SRBD1: variants seen among roughly 807,000 people sequenced by gnomAD.
The protein encoded by SRBD1 is S1 RNA-binding domain-containing protein 1.
Under a neutral mutation model 115.3 loss-of-function variants are expected in SRBD1, and 88 were observed. That is an observed-to-expected ratio of 0.76 (90% CI 0.64 to 0.91). The LOEUF is 0.91. Among genes scored for constraint, SRBD1 ranks in the 40% least tolerant of loss-of-function variants. The probability of loss-of-function intolerance (pLI) is 0.00; values close to 1 mark genes in which losing one functional copy is unlikely to be tolerated. For missense variants in SRBD1, 1,385 were observed against 1,177.4 expected (o/e 1.18, Z -2.58); for synonymous variants, 509 against 407.7 (o/e 1.25, Z -2.99).
chr2:45,604,503 A>G (rs1674204164), intron 2 of SRBD1, among the ~76,000 whole-genome samples: 1 of 152,080 alleles, frequency 6.6e-6, no homozygotes. Flanking sequence ...TTAGATCCAG[A>G]TCCTACTCAT....
chr2:45,465,694 A>T (rs1230646896), intron 16 of SRBD1, among the ~76,000 whole-genome samples: 1 of 152,202 alleles, frequency 6.6e-6, no homozygotes, highest in Non-Finnish European at 1.5e-5. Context: ...GTGAAAGGCT[A>T]CACTTTTTAA....
chr2:45,476,245 G>A (rs1322815055), intron 16 of SRBD1, among the ~76,000 whole-genome samples: 1 of 152,152 alleles, frequency 6.6e-6, no homozygotes, highest in Admixed American at 6.5e-5. Flanking sequence ...TATCAAATGA[G>A]GGGGGTAGGG....
intron 10 of SRBD1, among the ~76,000 whole-genome samples, chr2:45,557,199 G>T (rs1022442104): frequency 4.6e-5 from 7 of 152,162 alleles, no homozygotes; most frequent in African/African-American, 1.7e-4. Context: ...GCAGTGGCTG[G>T]ATCATAAAGG....
chr2:45,596,674 T>C (rs1378528230), intron 4 of SRBD1, among the ~76,000 whole-genome samples: 2 of 152,166 alleles, frequency 1.3e-5, no homozygotes, highest in South Asian at 2.1e-4. Context: ...TAAACAAATC[T>C]AAAGTGCCTA....
In SRBD1 at chr2:45,585,822, T is replaced by C. The variant is rs139765438; in HGVS notation, c.649-48A>G. On this transcript the variant is annotated intron_variant, in intron 4 of 20. Transcript: ENST00000263736. ...GATTTAAAATGCTGAAAATTAAACA[T>C]CTATATCATGTATAATTTAAAACAT... 3.9e-4 allele frequency: 556 copies of C among 1,424,276 alleles called. 4 individuals carry two copies. The African/African-American group carries it at 7.1e-3, about 18-fold the overall frequency. The allele number at this position is 1,424,276 out of a possible 1,614,324, so 88.2% of individuals were successfully genotyped here.
intron 14 of SRBD1, among the ~76,000 whole-genome samples, chr2:45,541,068 C>T (rs1263223428): frequency 1.3e-5 from 2 of 152,206 alleles, no homozygotes; most frequent in East Asian, 3.9e-4. Flanking sequence ...CAGATCTCAC[C>T]CTGCCAAGGG....
intron 14 of SRBD1, among the ~76,000 whole-genome samples, chr2:45,494,143 A>C (rs530651670): frequency 3.0e-4 from 45 of 152,290 alleles, no homozygotes; most frequent in African/African-American, 9.9e-4. Context: ...ATTGTAAAAT[A>C]TTTTTATCTC....
At chr2:45,431,962 T>G (rs1170203862) in intron 16 of SRBD1, among the ~76,000 whole-genome samples, 1 of 152,134 alleles carries the variant, frequency 6.6e-6, no homozygotes, top group Non-Finnish European at 1.5e-5. Context: ...GCTTACATTC[T>G]TCCCCAATTT....
intron 18 of SRBD1, among the ~76,000 whole-genome samples, chr2:45,415,381 T>C (rs536406354): frequency 2.0e-5 from 2 of 99,804 alleles, no homozygotes; most frequent in African/African-American, 9.7e-5. Flanking sequence ...TACACACATA[T>C]AGTGTGTATA....
intron 10 of SRBD1, among the ~76,000 whole-genome samples, chr2:45,559,479 A>C (rs767046114): frequency 1.2e-4 from 18 of 152,084 alleles, no homozygotes; most frequent in Admixed American, 1.1e-3. Context: ...TAATCTCAAC[A>C]TACTCGTAAT....
intron 16 of SRBD1, among the ~76,000 whole-genome samples, chr2:45,436,668 G>T (rs1239632955): frequency 2.6e-5 from 4 of 152,114 alleles, no homozygotes; most frequent in African/African-American, 9.7e-5. Context: ...ATCAGATCTT[G>T]TTAGAATTTA....
At chr2:45,475,751 T>C (rs999598083) in intron 16 of SRBD1, among the ~76,000 whole-genome samples, 3 of 152,212 alleles carry the variant, frequency 2.0e-5, no homozygotes, top group Non-Finnish European at 4.4e-5. Context: ...CAGGCTAGAG[T>C]GCAGTGGCAC....
At chr2:45,478,316 A>G (rs1166779230) in intron 15 of SRBD1, among the ~76,000 whole-genome samples, 1 of 152,188 alleles carries the variant, frequency 6.6e-6, no homozygotes, top group East Asian at 1.9e-4. Context: ...CAGATTCTCC[A>G]GTCGCTGATT....
chr2:45,434,212 A>G (rs1185620760), intron 16 of SRBD1, among the ~76,000 whole-genome samples: 1 of 152,224 alleles, frequency 6.6e-6, no homozygotes, highest in Non-Finnish European at 1.5e-5. Context: ...TGTTCTGCAC[A>G]AGACAAATGT....
intron 14 of SRBD1, among the ~76,000 whole-genome samples, chr2:45,535,304 CA>C (rs143952221): frequency 0.026 from 3,926 of 152,044 alleles, 174 homozygotes; most frequent in African/African-American, 0.089. Flanking sequence ...ATGTTTCTAC[CA>C]GTCTAATTTT....
At chr2:45,581,287 G>A (rs962970772) in intron 6 of SRBD1, among the ~76,000 whole-genome samples, 1 of 151,902 alleles carries the variant, frequency 6.6e-6, no homozygotes, top group Non-Finnish European at 1.5e-5. Context: ...ACTTCAAAAG[G>A]TGGTAACCTC....
intron 5 of SRBD1, among the ~76,000 whole-genome samples, chr2:45,583,444 G>T (rs1475463980): frequency 6.6e-6 from 1 of 152,098 alleles, no homozygotes; most frequent in Admixed American, 6.5e-5. Flanking sequence ...GAAAAATACA[G>T]AAAACTTTTC....
intron 1 of SRBD1, 97 bp from the exon 2 acceptor site, chr2:45,605,538 G>T (rs1674241699): frequency 8.8e-7 from 1 of 1,134,582 alleles, no homozygotes; most frequent in South Asian, 1.3e-5. Context: ...CATTTCATAG[G>T]AAAAAAACAA....
chr2:45,453,107 A>G lies in SRBD1; in HGVS notation c.2049+23886T>C, dbSNP rs561128433. On this transcript the variant is annotated intron_variant, in intron 16 of 20. Coordinates refer to ENST00000263736, the MANE Select transcript of SRBD1 (RefSeq NM_018079.5). ...ATTCTAGCAGGGCCCAGAGCCCAGA[A>G]CTCTGACCTCTGATGAGATGCTTGG... 2.0e-4 allele frequency among the ~76,000 whole-genome samples: 30 copies of G among 151,938 alleles called. No individual in the cohort carries two copies. The South Asian group carries it at 6.2e-3, about 31-fold the overall frequency.
Sources: allele counts gnomAD v4.1 joint callset (sites outside exome capture counted in the v4.1 genomes callset), GRCh38; gene constraint gnomAD v4.1.1; transcripts MANE v1.5; gene names NCBI Gene and HGNC (gene_info 2026-07-23, HGNC 2026-07-21).